ZDHHC14: variants seen among roughly 807,000 people sequenced by gnomAD.
The protein encoded by ZDHHC14 is palmitoyltransferase ZDHHC14.
ZDHHC14 carries 16 observed loss-of-function variants against 47.7 expected under a neutral mutation model. The observed-to-expected ratio is 0.34, with a 90% confidence interval of 0.23 to 0.51. The LOEUF (loss-of-function observed/expected upper bound fraction) is 0.51. Among genes scored for constraint, ZDHHC14 ranks in the 20% least tolerant of loss-of-function variants. The pLI, the probability that ZDHHC14 is intolerant of heterozygous loss-of-function variation, is 0.97. For missense variants in ZDHHC14, 515 were observed against 662.5 expected, an observed-to-expected ratio of 0.78 and a Z score of 2.44; for synonymous variants, 293 against 278.9, an observed-to-expected ratio of 1.05 and a Z score of -0.50.
Position 157,672,964 on chromosome 6 carries a change from C to A in ZDHHC14, c.1309C>A (p.Gln437Lys). 1 of 1,599,016 alleles carries A rather than the reference C, an allele frequency of 6.3e-7. No homozygotes were observed. Among genetic ancestry groups the A allele is most frequent in the East Asian group, 2.3e-5 (1 of 44,086 alleles). Residue 437 changes from glutamine (Q) to lysine (K), a missense_variant, in exon 9 of 9, where the codon CAG becomes AAG. By Grantham distance (53) the Gln-to-Lys change is moderately conservative. Coordinates refer to ENST00000359775, the MANE Select transcript of ZDHHC14 (RefSeq NM_024630.3). ...CCGGAAAGATGAGCACATGGGCCAC[C>A]AGTTCCTGACGCCCGATGAGGCGCC... Reference protein sequence around the residue: ...MPRKDEHMGHQFLTPDEAPSP... With the variant: ...MPRKDEHMGHKFLTPDEAPSP...
At chr6:157,556,947 C>T (rs1371979367) in intron 2 of ZDHHC14, among the ~76,000 whole-genome samples, 1 of 152,112 alleles carries the variant, frequency 6.6e-6, no homozygotes, top group Non-Finnish European at 1.5e-5. Flanking sequence ...TGAGGCCAGG[C>T]CTGTATCAGG....
At chr6:157,570,684 C>T (rs940300284) in intron 2 of ZDHHC14, among the ~76,000 whole-genome samples, 4 of 151,874 alleles carry the variant, frequency 2.6e-5, no homozygotes, top group Admixed American at 1.3e-4. Context: ...CTAAAAAGGT[C>T]GCAGCTACTA....
chr6:157,416,480 C>T (rs182894843), intron 1 of ZDHHC14, among the ~76,000 whole-genome samples: 7 of 151,532 alleles, frequency 4.6e-5, no homozygotes, highest in Admixed American at 3.3e-4. Flanking sequence ...CTGGGCAACA[C>T]GGTGAGACCT....
intron 1 of ZDHHC14, among the ~76,000 whole-genome samples, chr6:157,529,761 A>C (rs1300976680): frequency 6.6e-6 from 1 of 152,246 alleles, no homozygotes; most frequent in Non-Finnish European, 1.5e-5. Context: ...TATTCCACTA[A>C]GAAAATGTGT....
chr6:157,668,476 G>GAGTT (rs1176159055), intron 8 of ZDHHC14, among the ~76,000 whole-genome samples: 1 of 150,054 alleles, frequency 6.7e-6, no homozygotes, highest in Non-Finnish European at 1.5e-5. Flanking sequence ...TTGAGGTCAG[G>GAGTT]AGTTTGAGAC....
chr6:157,595,174 A>AT lies in ZDHHC14; in HGVS notation c.565+2064dup, dbSNP rs777568494. Among the ~76,000 whole-genome samples, 313 of 62,694 alleles carry AT rather than the reference A, an allele frequency of 5.0e-3. 66 individuals are homozygous for AT. Among genetic ancestry groups the AT allele is most frequent in the Non-Finnish European group, 6.9e-3 (238 of 34,630 alleles). The allele number at this position is 62,694 out of a possible 152,430, so 41.1% of individuals were successfully genotyped here. A position where few individuals can be genotyped will look rare whatever the true frequency, so the allele number is the denominator to read the frequency against. On this transcript the variant is annotated intron_variant, in intron 3 of 8. Coordinates refer to ENST00000359775, the MANE Select transcript of ZDHHC14 (RefSeq NM_024630.3). ...CCTCTGTTTCTTGTCTCTAGGCTAG[A>AT]TTTTTTTTTTTTTTTTTTTTTTTTT...
rs527364292 is a variant in ZDHHC14 at position 157,675,703 on chromosome 6, G to A, written c.*2581G>A. 1.3e-5 allele frequency: 2 copies of A among 152,358 alleles called. No individual in the cohort carries two copies. Among genetic ancestry groups the A allele is most frequent in the African/African-American group, 2.4e-5 (1 of 41,582 alleles). The allele number at this position is 152,358 out of a possible 1,614,324, so 9.4% of individuals were successfully genotyped here. A position where few individuals can be genotyped will look rare whatever the true frequency, so the allele number is the denominator to read the frequency against. ...TGGTCGGAGGGGCAGCTCACCTGGC[G>A]AGGTGATGGCTCTGCATTTCCCACG... is the stretch of plus-strand genomic sequence containing the variant. On this transcript the variant is annotated 3_prime_UTR_variant, in exon 9 of 9. Transcript: ENST00000359775.
At position 157,672,891 on chromosome 6, in the gene ZDHHC14, C is replaced by T. The variant is rs534606010; in HGVS notation, c.1236C>T (p.Pro412=). ...TCACACTGGGCCCGCCCACACCGCCCGCCTCCATGCCCAACCTCGCCGAGG... is the reference window on the plus strand; with the variant it reads ...TCACACTGGGCCCGCCCACACCGCCTGCCTCCATGCCCAACCTCGCCGAGG... The part of the protein sequence containing the change: ...ASLTLGPPTP[P]ASMPNLAEAT... The change falls in exon 9 of 9, where the codon CCC becomes CCT. Residue 412 remains proline, a synonymous_variant. Transcript: ENST00000359775. The T allele has an allele frequency of 3.0e-5, 48 of 1,606,374 alleles. No homozygotes were observed. Among genetic ancestry groups the T allele is most frequent in the South Asian group, 1.7e-4 (15 of 90,346 alleles).
At chr6:157,644,519 C>T (rs560482369) in intron 5 of ZDHHC14, among the ~76,000 whole-genome samples, 30 of 152,336 alleles carry the variant, frequency 2.0e-4, no homozygotes, top group African/African-American at 6.7e-4. Flanking sequence ...AGTCAGTCAA[C>T]AGGCAGAAGC....
chr6:157,559,301 C>T (rs1450183907), intron 2 of ZDHHC14, among the ~76,000 whole-genome samples: 1 of 152,230 alleles, frequency 6.6e-6, no homozygotes, highest in Non-Finnish European at 1.5e-5. Flanking sequence ...TGTACTGTAG[C>T]TATTGCGTGG....
intron 1 of ZDHHC14, among the ~76,000 whole-genome samples, chr6:157,424,576 G>T (rs993162547): frequency 6.6e-6 from 1 of 152,178 alleles, no homozygotes; most frequent in African/African-American, 2.4e-5. Context: ...CAAACGTGGT[G>T]CTTCGCTTGG....
intron 1 of ZDHHC14, among the ~76,000 whole-genome samples, chr6:157,540,912 A>G (rs4349839): frequency 0.36 from 31,077 of 87,332 alleles, 3,960 homozygotes; most frequent in Admixed American, 0.42. Flanking sequence ...GTGTGTGTGT[A>G]TATATATATA....
intron 8 of ZDHHC14, among the ~76,000 whole-genome samples, chr6:157,666,076 T>G (rs1226223746): frequency 6.6e-6 from 1 of 152,234 alleles, no homozygotes; most frequent in Non-Finnish European, 1.5e-5. Context: ...CATGACATAC[T>G]CACGACATCC....
intron 1 of ZDHHC14, among the ~76,000 whole-genome samples, chr6:157,528,578 A>T (rs965320137): frequency 8.6e-5 from 13 of 151,936 alleles, no homozygotes; most frequent in Non-Finnish European, 1.0e-4. Flanking sequence ...AAAAATACAA[A>T]GAAATTAGCC....
At position 157,473,506 on chromosome 6, in the gene ZDHHC14, A is replaced by T. The variant is rs149287469; in HGVS notation, c.246-69079A>T. Among the ~76,000 whole-genome samples the T allele has an allele frequency of 1.3e-3, 195 of 152,288 alleles. 1 individual carries two copies. Among genetic ancestry groups the T allele is most frequent in the African/African-American group, 4.5e-3 (188 of 41,556 alleles). On this transcript the variant is annotated intron_variant, in intron 1 of 8. Coordinates refer to ENST00000359775, the MANE Select transcript of ZDHHC14 (RefSeq NM_024630.3). ...ATAATGGGATTTTCTACTTTTTTTA[A>T]GGCTGAATAGTACAGATTGACTATC...
chr6:157,602,412 C>T (rs1390664509), intron 3 of ZDHHC14, among the ~76,000 whole-genome samples: 4 of 150,626 alleles, frequency 2.7e-5, no homozygotes, highest in African/African-American at 4.9e-5. Flanking sequence ...ATCGCTTGAA[C>T]CTGGGAGGCA....
In ZDHHC14 at chr6:157,543,935, G is replaced by C. The variant is rs371523833; in HGVS notation, c.406+1190G>C. 5.9e-5 allele frequency among the ~76,000 whole-genome samples: 9 copies of C among 152,312 alleles called. 1 individual carries two copies. Among genetic ancestry groups the C allele is most frequent in the African/African-American group, 2.2e-4 (9 of 41,558 alleles). On this transcript the variant is annotated intron_variant, in intron 2 of 8. Coordinates refer to ENST00000359775, the MANE Select transcript of ZDHHC14 (RefSeq NM_024630.3). ...ACATTTTGTAGCACTTTAATCGTTT[G>C]TCAGGCCCATCCATGGCTATCACTG...
intron 2 of ZDHHC14, among the ~76,000 whole-genome samples, chr6:157,543,294 C>A (rs533149742): frequency 6.6e-6 from 1 of 151,832 alleles, no homozygotes; most frequent in Admixed American, 6.6e-5. Context: ...TTATTACAAC[C>A]CATTTTGAAG....
chr6:157,587,984 G>A lies in ZDHHC14; in HGVS notation c.407-5004G>A, dbSNP rs1783758131. ...AAAATTTAAAATTAGGCTGGGTACTGTGACTCATGCCTGTGATCCCAGCAC... is the reference window on the plus strand; with the variant it reads ...AAAATTTAAAATTAGGCTGGGTACTATGACTCATGCCTGTGATCCCAGCAC... On this transcript the variant is annotated intron_variant, in intron 2 of 8. Coordinates refer to ENST00000359775, the MANE Select transcript of ZDHHC14 (RefSeq NM_024630.3). Among the ~76,000 whole-genome samples, 3 of 152,192 alleles carry A rather than the reference G, an allele frequency of 2.0e-5. No homozygotes were observed. In the South Asian group the frequency reaches 6.2e-4, roughly 31 times the overall value.
Sources: gnomAD v4.1 joint callset for allele counts (sites outside exome capture counted in the v4.1 genomes callset) on GRCh38, gnomAD v4.1.1 for gene constraint, MANE v1.5 for transcripts, NCBI Gene and HGNC (gene_info 2026-07-23, HGNC 2026-07-21) for gene names.